TOPAZ1: variants seen among roughly 807,000 people sequenced by gnomAD.
The protein encoded by TOPAZ1 is protein TOPAZ1.
TOPAZ1 carries 66 observed loss-of-function variants against 172.2 expected under a neutral mutation model. The ratio of observed to expected loss-of-function variants is 0.38; its 90% confidence interval spans 0.31 to 0.47. The LOEUF (loss-of-function observed/expected upper bound fraction) is 0.47. Ranked by LOEUF, TOPAZ1 falls within the 20% of genes least tolerant of loss-of-function variation. The pLI is 0.99. For synonymous variants in TOPAZ1, 681 were observed against 683.9 expected (o/e 1.00, Z 0.07); for missense variants, 1,822 against 1,972.4 (o/e 0.92, Z 1.44).
chr3:44,324,159 G>C (rs1700572315), intron 18 of TOPAZ1, among the ~76,000 whole-genome samples: 1 of 152,176 alleles, frequency 6.6e-6, no homozygotes, highest in African/African-American at 2.4e-5. Flanking sequence ...ATTACAGGTA[G>C]TAAGTTTAAT....
chr3:44,259,919 G>A (rs1337575278), intron 4 of TOPAZ1, among the ~76,000 whole-genome samples: 2 of 152,132 alleles, frequency 1.3e-5, no homozygotes, highest in Non-Finnish European at 2.9e-5. Flanking sequence ...ATCTCACCTT[G>A]AATCCACATA....
At chr3:44,242,437 G>A in intron 1 of TOPAZ1, 38 bp downstream of exon 1, 6 of 1,537,312 alleles carry the variant, frequency 3.9e-6, no homozygotes, top group Non-Finnish European at 5.3e-6. Context: ...TTTAGCCCTT[G>A]TACCTCAGCG....
chr3:44,287,590 C>G, intron 10 of TOPAZ1, 50 bp downstream of exon 10: 1 of 1,267,002 alleles, frequency 7.9e-7, no homozygotes, highest in Non-Finnish European at 1.0e-6. Flanking sequence ...GTTAATTTCT[C>G]TGTCATATTC....
At chr3:44,287,245 C>G (rs999133389) in intron 9 of TOPAZ1, 144 bp from the exon 10 acceptor site, 9 of 444,846 alleles carry the variant, frequency 2.0e-5, no homozygotes, top group African/African-American at 1.8e-4. Context: ...TTCATCTACT[C>G]TTTCTAATAC....
At chr3:44,262,528 A>T in intron 5 of TOPAZ1, 45 bp downstream of exon 5, 1 of 1,001,792 alleles carries the variant, frequency 1.0e-6, no homozygotes, top group Non-Finnish European at 1.5e-6. Context: ...ATAGTCACTC[A>T]TCTAATTTAT....
intron 5 of TOPAZ1, among the ~76,000 whole-genome samples, chr3:44,263,265 A>T (rs569296731): frequency 6.6e-6 from 1 of 152,328 alleles, no homozygotes; most frequent in African/African-American, 2.4e-5. Context: ...AAAGGAAGAT[A>T]CTAAAGAAAA....
chr3:44,242,788 A>C, intron 1 of TOPAZ1, 65 bp from the exon 2 acceptor site: 2 of 1,264,520 alleles, frequency 1.6e-6, no homozygotes, highest in Non-Finnish European at 2.1e-6. Context: ...TTTTAATTTC[A>C]ATGATAATTG....
downstream of TOPAZ1, among the ~76,000 whole-genome samples, chr3:44,332,832 C>A (rs1424357412): frequency 2.0e-5 from 3 of 149,554 alleles, no homozygotes; most frequent in African/African-American, 7.4e-5. Flanking sequence ...AAGGGTCGTA[C>A]TCTGTGCCCA....
rs1699514012 is a variant in TOPAZ1, at chr3:44,243,487, G to A, written c.981G>A (p.Gly327=). 1 of 1,551,702 alleles carries A rather than the reference G, an allele frequency of 6.4e-7. No individual in the cohort carries two copies. The highest frequency in any genetic ancestry group is 1.2e-5 in the South Asian group (1 of 84,024). ...NKYSIEESSV[G]RKPRKRMKLS... ...ATTCAATAGAGGAGAGCAGTGTTGGGCGAAAACCCAGGAAAAGGATGAAGT... is the reference window on the plus strand; with the variant it reads ...ATTCAATAGAGGAGAGCAGTGTTGGACGAAAACCCAGGAAAAGGATGAAGT... The change falls in exon 2 of 20, where the codon GGG becomes GGA. Residue 327 remains glycine (G), a synonymous_variant. Transcript: ENST00000309765.
Position 44,241,990 on chromosome 3 carries a change from T to G in TOPAZ1, c.-64T>G. 1 of 1,449,664 alleles carries G rather than the reference T, an allele frequency of 6.9e-7. No homozygotes were observed. The highest frequency in any genetic ancestry group is 9.3e-7 in the Non-Finnish European group (1 of 1,076,616). 89.8% of individuals were successfully genotyped at this position (1,449,664 alleles called of 1,614,324 possible). ...AGGTACCTCCAGGCGGGAGCAGCGTTTGCACCGCGGTGGGTTCCTGCGAGC... is the reference window on the plus strand; with the variant it reads ...AGGTACCTCCAGGCGGGAGCAGCGTGTGCACCGCGGTGGGTTCCTGCGAGC... On this transcript the variant is annotated 5_prime_UTR_variant, in exon 1 of 20. Transcript: ENST00000309765.
chr3:44,284,419 G>A (rs897356869), intron 9 of TOPAZ1, among the ~76,000 whole-genome samples: 4 of 152,082 alleles, frequency 2.6e-5, no homozygotes, highest in African/African-American at 9.7e-5. Flanking sequence ...TGTCCTCAAG[G>A]TTTATCCATA....
At chr3:44,289,975 T>C (rs78153371) in intron 11 of TOPAZ1, among the ~76,000 whole-genome samples, 1,755 of 152,264 alleles carry the variant, frequency 0.012, 39 homozygotes, top group African/African-American at 0.04. Flanking sequence ...GTTGAGTCAT[T>C]CTTAACTCTC....
intron 16 of TOPAZ1, among the ~76,000 whole-genome samples, chr3:44,316,227 C>T (rs1700450565): frequency 6.6e-6 from 1 of 152,148 alleles, no homozygotes. Context: ...GCCTGGGCAA[C>T]ACAGTGAGAC....
rs934326290 is a variant in TOPAZ1 at position 44,242,854 on chromosome 3, C to T, written c.348C>T (p.Thr116=). The T allele has an allele frequency of 1.3e-5, 19 of 1,493,596 alleles. No individual in the cohort carries two copies. In the African/African-American group the frequency reaches 2.6e-4, roughly 20 times the overall value. The allele number at this position is 1,493,596 out of a possible 1,614,324, so 92.5% of individuals were successfully genotyped here. A position where few individuals can be genotyped will look rare whatever the true frequency, so the allele number is the denominator to read the frequency against. ...GATATATTTTGTTGTTTTGATCAGC[C>T]AAGGAAAAAAGAAAAGTTACTGAAG... ...AELPLQTERH[T]KEKRKVTEAS... The change falls in exon 2 of 20, where the codon ACC becomes ACT. Residue 116 remains threonine (T), a splice_region_variant and synonymous_variant. Transcript: ENST00000309765.
chr3:44,315,118 T>TGGATGGAC (rs1700436889), intron 16 of TOPAZ1, among the ~76,000 whole-genome samples: 1 of 151,602 alleles, frequency 6.6e-6, no homozygotes, highest in African/African-American at 2.4e-5. Flanking sequence ...GATGGATGGA[T>TGGATGGAC]GGATGGATGG....
intron 15 of TOPAZ1, 24 bp downstream of exon 15, chr3:44,306,450 G>C (rs1440265117): frequency 7.0e-7 from 1 of 1,420,566 alleles, no homozygotes. Context: ...TTTTTGTCTT[G>C]GCTTGGTATA....
At chr3:44,316,405 AT>A (rs1384618755) in intron 16 of TOPAZ1, among the ~76,000 whole-genome samples, 1 of 152,164 alleles carries the variant, frequency 6.6e-6, no homozygotes, top group Non-Finnish European at 1.5e-5. Flanking sequence ...AACACCTAAA[AT>A]TTTCAGGTAC....
chr3:44,300,225 G>A (rs1336937975), intron 12 of TOPAZ1, among the ~76,000 whole-genome samples: 2 of 152,010 alleles, frequency 1.3e-5, no homozygotes, highest in Non-Finnish European at 2.9e-5. Context: ...TTGAGGTCAG[G>A]AGTTTGAGAC....
intron 11 of TOPAZ1, among the ~76,000 whole-genome samples, 192 bp downstream of exon 11, chr3:44,288,031 TTAAA>T (rs1426620159): frequency 1.3e-5 from 2 of 152,148 alleles, no homozygotes; most frequent in African/African-American, 2.4e-5. Context: ...AGCCTTCCTC[TTAAA>T]TAGTTTCAGA....
Sources: allele counts gnomAD v4.1 joint callset (sites outside exome capture counted in the v4.1 genomes callset), GRCh38; gene constraint gnomAD v4.1.1; transcripts MANE v1.5; gene names NCBI Gene and HGNC (gene_info 2026-07-23, HGNC 2026-07-21).